The following DAP3 variants were observed in gnomAD, a reference collection of about 807,000 sequenced individuals.
DAP3 encodes death associated protein 3, also known as small ribosomal subunit protein mS29.
In DAP3, 28 loss-of-function variants were observed where a neutral mutation model predicts 51.9. The ratio of observed to expected loss-of-function variants is 0.54; its 90% confidence interval spans 0.40 to 0.74. The LOEUF is 0.74. DAP3 is among the 30% of genes least tolerant of loss of function. The probability of loss-of-function intolerance (pLI) is 0.00; values close to 1 mark genes in which losing one functional copy is unlikely to be tolerated. For synonymous variants in DAP3, 170 were observed against 170.3 expected, an observed-to-expected ratio of 1.00 and a Z score of 0.01; for missense variants, 458 against 483.5, an observed-to-expected ratio of 0.95 and a Z score of 0.49.
At chr1:155,727,404 AG>A in intron 6 of DAP3, 1 of 393,456 alleles carries the variant, frequency 2.5e-6, no homozygotes, top group Non-Finnish European at 4.2e-6. Flanking sequence ...TAGGAGTTCA[AG>A]GTTACAGTGA....
intron 1 of DAP3, among the ~76,000 whole-genome samples, chr1:155,705,622 A>G (rs1215020244): frequency 2.0e-5 from 3 of 151,276 alleles, no homozygotes; most frequent in African/African-American, 4.8e-5. Flanking sequence ...AAGAAAGAAA[A>G]AAAAAACAGA....
intron 1 of DAP3, among the ~76,000 whole-genome samples, chr1:155,690,984 T>C (rs967054595): frequency 1.4e-5 from 2 of 142,116 alleles, no homozygotes; most frequent in Non-Finnish European, 2.9e-5. Context: ...CTCGGCTCAC[T>C]GCAAGCTCCG....
chr1:155,731,355 G>A lies in DAP3; in HGVS notation c.844-1G>A. Reference sequence around the variant, plus strand: ...CTTCTCTCTTTCTGTCCGATATGCAGATTGCCCCCGAGGAATTAGCACTTG... The same window carrying A: ...CTTCTCTCTTTCTGTCCGATATGCAAATTGCCCCCGAGGAATTAGCACTTG... On this transcript the variant is annotated splice_acceptor_variant, in intron 9 of 12. Coordinates refer to ENST00000368336, the MANE Select transcript of DAP3 (RefSeq NM_004632.4). LOFTEE classifies it high-confidence loss of function. 6.2e-7 allele frequency: 1 copy of A among 1,613,878 alleles called. No individual in the cohort carries two copies. The highest frequency in any genetic ancestry group is 8.5e-7 in the Non-Finnish European group (1 of 1,179,908).
At position 155,716,870 on chromosome 1, in the gene DAP3, C is replaced by T. The variant is rs936844895; in HGVS notation, c.46-136C>T. 13 of 1,239,658 alleles carry T rather than the reference C, an allele frequency of 1.0e-5. No homozygotes were observed. The Admixed American group carries it at 1.7e-4, about 16-fold the overall frequency. 76.8% of individuals were successfully genotyped at this position (1,239,658 alleles called of 1,614,324 possible). On this transcript the variant is annotated intron_variant, in intron 2 of 12. Coordinates refer to ENST00000368336, the MANE Select transcript of DAP3 (RefSeq NM_004632.4). ...GCTGAGGCAGGAGAATCACTTGAACCTGGAAGGCGGAGGTTGTAGTGAGCC... is the reference window on the plus strand; with the variant it reads ...GCTGAGGCAGGAGAATCACTTGAACTTGGAAGGCGGAGGTTGTAGTGAGCC...
At chr1:155,691,239 C>T (rs983031752) in intron 1 of DAP3, among the ~76,000 whole-genome samples, 1 of 141,754 alleles carries the variant, frequency 7.1e-6, no homozygotes, top group Non-Finnish European at 1.5e-5. Context: ...TTTTTTATCA[C>T]CCCCAAAAGA....
chr1:155,718,140 T>G (rs1657537628), intron 3 of DAP3, among the ~76,000 whole-genome samples: 1 of 152,098 alleles, frequency 6.6e-6, no homozygotes, highest in African/African-American at 2.4e-5. Flanking sequence ...CATCCTAGCA[T>G]TTTGGGAGGC....
intron 4 of DAP3, among the ~76,000 whole-genome samples, chr1:155,724,957 A>C (rs1658411970): frequency 6.6e-6 from 1 of 151,684 alleles, no homozygotes; most frequent in South Asian, 2.1e-4. Context: ...TCCGTCTCAA[A>C]AAAAAAAAAA....
At position 155,721,505 on chromosome 1, in the gene DAP3, C is replaced by G. The variant is rs1658013559; in HGVS notation, c.169-12C>G. 1 of 1,613,586 alleles carries G rather than the reference C, an allele frequency of 6.2e-7. No homozygotes were observed. The highest frequency in any genetic ancestry group is 1.1e-5 in the South Asian group (1 of 91,044). The stretch of plus-strand genomic sequence containing the variant: ...TGTCACCATTATACCTGTTTGCACT[C>G]TTATTTCCTAGGCCAAGCATGGGGA... On this transcript the variant is annotated splice_polypyrimidine_tract_variant and intron_variant, in intron 3 of 12. Transcript: ENST00000368336.
At chr1:155,687,989 G>A, upstream of DAP3, 1 of 1,434,588 alleles carries the variant, frequency 7.0e-7, no homozygotes, top group Non-Finnish European at 9.4e-7. Flanking sequence ...TCCGGGAGAT[G>A]ACAGTGGCTC....
chr1:155,708,387 TATTTTCAACTTTGTTTTGTGC>T (rs1656252831), intron 1 of DAP3, among the ~76,000 whole-genome samples: 1 of 152,184 alleles, frequency 6.6e-6, no homozygotes, highest in Non-Finnish European at 1.5e-5. Context: ...AAAGATAGTG[TATTTTCAACTTTGTTTTGTGC>T]ATTTTCAACT....
At chr1:155,731,813 A>G in intron 10 of DAP3, 131 bp from the exon 11 acceptor site, 1 of 850,502 alleles carries the variant, frequency 1.2e-6, no homozygotes, top group East Asian at 2.9e-5. Context: ...TTTAGTTGCC[A>G]TTTAACTGTG....
In DAP3 at chr1:155,689,105, G is replaced by C. The variant is rs1381160311; in HGVS notation, c.-77G>C. On this transcript the variant is annotated 5_prime_UTR_variant, in exon 1 of 13. Coordinates refer to ENST00000368336, the MANE Select transcript of DAP3 (RefSeq NM_004632.4). Reference sequence around the variant, plus strand: ...GACCCTTTTTTGCAGTCTCAGGACGGGCGCTTTGGAGCCGGCCCCAGGCAG... The same window carrying C: ...GACCCTTTTTTGCAGTCTCAGGACGCGCGCTTTGGAGCCGGCCCCAGGCAG... The C allele has an allele frequency of 7.7e-7, 1 of 1,302,306 alleles. No individual in the cohort carries two copies. Among genetic ancestry groups the C allele is most frequent in the Admixed American group, 2.1e-5 (1 of 46,944 alleles). The allele number at this position is 1,302,306 out of a possible 1,614,324, so 80.7% of individuals were successfully genotyped here. A position where few individuals can be genotyped will look rare whatever the true frequency, so the allele number is the denominator to read the frequency against.
chr1:155,736,211 C>T (rs539191882), intron 11 of DAP3, among the ~76,000 whole-genome samples: 19 of 152,166 alleles, frequency 1.2e-4, no homozygotes, highest in Middle Eastern at 3.4e-3. Flanking sequence ...AGGCTGATCT[C>T]GAACTCCTGA....
At chr1:155,726,181 T>C in intron 6 of DAP3, 162 bp downstream of exon 6, 2 of 504,540 alleles carry the variant, frequency 4.0e-6, no homozygotes, top group Non-Finnish European at 6.7e-6. Context: ...AGGCGCAATC[T>C]CAGGTCACCG....
chr1:155,709,980 G>A, intron 2 of DAP3, 156 bp downstream of exon 2: 3 of 565,232 alleles, frequency 5.3e-6, no homozygotes, highest in Non-Finnish European at 9.3e-6. Flanking sequence ...AATTTACCAT[G>A]GAATAGGAGA....
chr1:155,705,493 C>G (rs1490867108), intron 1 of DAP3, among the ~76,000 whole-genome samples: 1 of 149,512 alleles, frequency 6.7e-6, no homozygotes, highest in Admixed American at 6.7e-5. Flanking sequence ...TTCCCAGCTA[C>G]TTGAAAGGCT....
chr1:155,725,263 G>A lies in DAP3; in HGVS notation c.271-119G>A, dbSNP rs13376498. ...TACCAACCCAGCTTCTCCTAACTGA[G>A]TAAATTAGAGGCATGCAATCTGATG... is the stretch of plus-strand genomic sequence containing the variant. On this transcript the variant is annotated intron_variant, in intron 4 of 12. Transcript: ENST00000368336. The A allele has an allele frequency of 4.2e-3, 3,281 of 783,758 alleles. 88 individuals carry two copies. In the African/African-American group the frequency reaches 0.051, roughly 12 times the overall value. 48.6% of individuals were successfully genotyped at this position (783,758 alleles called of 1,614,324 possible). A position where few individuals can be genotyped will look rare whatever the true frequency, so the allele number is the denominator to read the frequency against.
At chr1:155,707,412 C>CAA (rs199683444) in intron 1 of DAP3, among the ~76,000 whole-genome samples, 5 of 91,548 alleles carry the variant, frequency 5.5e-5, no homozygotes, top group African/African-American at 1.2e-4. Flanking sequence ...GACTCCGTCT[C>CAA]AAAAAAAAAA....
upstream of DAP3, chr1:155,688,748 CA>C (rs1653154919): frequency 1.3e-6 from 2 of 1,517,170 alleles, no homozygotes; most frequent in Non-Finnish European, 1.8e-6. Flanking sequence ...GCCGCCAAAG[CA>C]GCCGCCGCCA....
Sources: gnomAD v4.1 joint callset for allele counts (sites outside exome capture counted in the v4.1 genomes callset) on GRCh38, gnomAD v4.1.1 for gene constraint, MANE v1.5 for transcripts, NCBI Gene and HGNC (gene_info 2026-07-23, HGNC 2026-07-21) for gene names.